The following TNFRSF8 variants were observed in gnomAD, a reference collection of about 807,000 sequenced individuals.
TNFRSF8 encodes the protein TNF receptor superfamily member 8, also known as tumor necrosis factor receptor superfamily member 8.
In TNFRSF8, 26 loss-of-function variants were observed where a neutral mutation model predicts 70.8. The ratio of observed to expected loss-of-function variants is 0.37; its 90% confidence interval spans 0.27 to 0.51. The LOEUF is 0.51. Among genes scored for constraint, TNFRSF8 ranks in the 20% least tolerant of loss-of-function variants. The pLI, the probability that TNFRSF8 is intolerant of heterozygous loss-of-function variation, is 0.94. For missense variants in TNFRSF8, 720 were observed against 807.9 expected (o/e 0.89, Z 1.32); for synonymous variants, 356 against 339.2 (o/e 1.05, Z -0.54).
Position 12,142,287 on chromosome 1 carries a change from A to C in TNFRSF8, c.1544A>C (p.Glu515Ala). ...VSTEHTNNKIEKIYIMKADTV... is the reference protein window; with the variant it reads ...VSTEHTNNKIAKIYIMKADTV... Reference sequence around the variant, plus strand: ...GCTCACCCATCCTTTTGCCTTGCAGAGAAAATCTACATCATGAAGGCTGAC... The same window carrying C: ...GCTCACCCATCCTTTTGCCTTGCAGCGAAAATCTACATCATGAAGGCTGAC... The change falls in exon 15 of 15, where the codon GAG becomes GCG. Residue 515 changes from glutamate (E) to alanine (A), a missense_variant and splice_region_variant. By Grantham distance (107) the Glu-to-Ala change is moderately radical (BLOSUM62 -1). Transcript: ENST00000263932. This position sits in a 1 kb window ranked among gnomAD's most constrained non-coding sequence, Gnocchi z 5.0. The C allele has an allele frequency of 6.3e-7, 1 of 1,588,080 alleles. No homozygotes were observed. The highest frequency in any genetic ancestry group is 1.1e-5 in the South Asian group (1 of 88,176).
chr1:12,123,375 C>T lies in TNFRSF8; in HGVS notation c.1038C>T (p.Ala346=). The T allele has an allele frequency of 6.2e-7, 1 of 1,606,084 alleles. No homozygotes were observed. Among genetic ancestry groups the T allele is most frequent in the Non-Finnish European group, 8.5e-7 (1 of 1,176,520 alleles). ...CCCCAGAGAATGGCGAGGCGCCTGC[C>T]AGGTGACTCCCCCACCCCTTCTCTC... ...NPTPENGEAP[A]STSPTQSLLV... is the part of the protein sequence containing the mutation. Residue 346 remains alanine (A), a splice_region_variant and synonymous_variant, in exon 9 of 15, where the codon GCC becomes GCT. Coordinates refer to ENST00000263932, the MANE Select transcript of TNFRSF8 (RefSeq NM_001243.5).
At chr1:12,139,686 C>T (rs550113840) in intron 14 of TNFRSF8, among the ~76,000 whole-genome samples, 2 of 152,236 alleles carry the variant, frequency 1.3e-5, no homozygotes, top group Admixed American at 1.3e-4. Flanking sequence ...TTGTCCTGTG[C>T]ATTTCTATGG....
chr1:12,085,077 A>G (rs530319365), intron 2 of TNFRSF8, among the ~76,000 whole-genome samples: 1 of 152,308 alleles, frequency 6.6e-6, no homozygotes, highest in African/African-American at 2.4e-5. Flanking sequence ...GGGGCCCAGA[A>G]GTCCTTTGCA....
At position 12,123,845 on chromosome 1, in the gene TNFRSF8, C is replaced by G. The variant is rs1184910000; in HGVS notation, c.1153+18C>G. 15 of 1,541,156 alleles carry G rather than the reference C, an allele frequency of 9.7e-6. No individual in the cohort carries two copies. Among genetic ancestry groups the G allele is most frequent in the African/African-American group, 1.4e-5 (1 of 72,924 alleles). ...GGATGCAGGTAATGGTCCCAGCCCA[C>G]TCACCCCTACTCCCAGCAGGGGCTT... On this transcript the variant is annotated intron_variant, in intron 10 of 14. Transcript: ENST00000263932.
chr1:12,092,666 C>G (rs1254625228), intron 2 of TNFRSF8, among the ~76,000 whole-genome samples: 1 of 151,870 alleles, frequency 6.6e-6, no homozygotes, highest in African/African-American at 2.4e-5. Flanking sequence ...CGCCACCACA[C>G]CCGGCTAATT....
At chr1:12,085,412 AT>A (rs1570001608) in intron 2 of TNFRSF8, among the ~76,000 whole-genome samples, 1 of 152,112 alleles carries the variant, frequency 6.6e-6, no homozygotes, top group East Asian at 1.9e-4. Flanking sequence ...GCCCGGCCTA[AT>A]TTTTTTATAT....
intron 2 of TNFRSF8, among the ~76,000 whole-genome samples, 192 bp downstream of exon 2, chr1:12,084,743 AC>A (rs1478418256): frequency 3.6e-5 from 5 of 140,494 alleles, no homozygotes; most frequent in Non-Finnish European, 8.0e-5. Flanking sequence ...TAGAATTGAG[AC>A]TGTGTTTCTT....
chr1:12,112,888 G>A lies in TNFRSF8; in HGVS notation c.793+874G>A, dbSNP rs1641658457. On this transcript the variant is annotated intron_variant, in intron 7 of 14. Coordinates refer to ENST00000263932, the MANE Select transcript of TNFRSF8 (RefSeq NM_001243.5). This position sits in a 1 kb window ranked among gnomAD's most constrained non-coding sequence, Gnocchi z 5.3. ...CCCTGGCTATTCACGGAGGCCACTGGGAATGTGTGTCTGTCTCCTTGTCCA... is the reference window on the plus strand; with the variant it reads ...CCCTGGCTATTCACGGAGGCCACTGAGAATGTGTGTCTGTCTCCTTGTCCA... 6.6e-6 allele frequency among the ~76,000 whole-genome samples: 1 copy of A among 152,214 alleles called. No individual in the cohort carries two copies. Among genetic ancestry groups the A allele is most frequent in the African/African-American group, 2.4e-5 (1 of 41,462 alleles).
At chr1:12,080,505 G>T in intron 1 of TNFRSF8, 1 of 500,354 alleles carries the variant, frequency 2.0e-6, no homozygotes, top group South Asian at 1.5e-5. Context: ...GAGTGGTCGA[G>T]CTTGTTTCTC....
At chr1:12,123,916 C>A in intron 10 of TNFRSF8, 89 bp downstream of exon 10, 2 of 1,178,118 alleles carry the variant, frequency 1.7e-6, no homozygotes, top group Admixed American at 2.1e-5. Context: ...GGAGCTTCTC[C>A]TTTGTGGGTA....
At chr1:12,089,245 A>G (rs141098285) in intron 2 of TNFRSF8, among the ~76,000 whole-genome samples, 2,463 of 152,154 alleles carry the variant, frequency 0.016, 199 homozygotes, top group Admixed American at 0.14. Context: ...TGACTTGTCT[A>G]TCGTCTTCCT....
chr1:12,096,497 G>A lies in TNFRSF8; in HGVS notation c.152-604G>A, dbSNP rs11569832. 4.6e-5 allele frequency among the ~76,000 whole-genome samples: 7 copies of A among 151,928 alleles called. No homozygotes were observed. The South Asian group carries it at 1.5e-3, about 32-fold the overall frequency. On this transcript the variant is annotated intron_variant, in intron 2 of 14. Transcript: ENST00000263932. Reference sequence around the variant, plus strand: ...TTAAGAAAGTTTATGAGTTTGCGTTGGGCCTCATTCAGAGCTGTCCTGGGC... The same window carrying A: ...TTAAGAAAGTTTATGAGTTTGCGTTAGGCCTCATTCAGAGCTGTCCTGGGC...
chr1:12,075,251 A>AAAAATT (rs1553153115), intron 1 of TNFRSF8, among the ~76,000 whole-genome samples: 1,452 of 143,800 alleles, frequency 0.01, 23 homozygotes, highest in African/African-American at 0.035. Context: ...CAAAAAAAAA[A>AAAAATT]TTTTTTTTTT....
chr1:12,069,269 C>T (rs1054027377), intron 1 of TNFRSF8, among the ~76,000 whole-genome samples: 1 of 146,776 alleles, frequency 6.8e-6, no homozygotes, highest in Admixed American at 6.9e-5. Context: ...ACCTCCATTT[C>T]CCAGGTTCAA....
chr1:12,072,326 T>C (rs1396470232), intron 1 of TNFRSF8, among the ~76,000 whole-genome samples: 1 of 152,044 alleles, frequency 6.6e-6, no homozygotes, highest in African/African-American at 2.4e-5. Context: ...TTGCCCTCGA[T>C]GGGGGGCAGT....
At chr1:12,114,134 G>T (rs1285358284) in intron 7 of TNFRSF8, among the ~76,000 whole-genome samples, 1 of 152,086 alleles carries the variant, frequency 6.6e-6, no homozygotes, top group African/African-American at 2.4e-5. Context: ...CCCGAGTGCC[G>T]GGTTCAGATC....
chr1:12,123,269 AC>A lies in TNFRSF8; in HGVS notation c.947-14del. ...TCCTTGGCGCTGGTTCTCAGATGTT[AC>A]GTCCCCTCTGCAGATATGGCTGAGA... is the stretch of plus-strand genomic sequence containing the variant. On this transcript the variant is annotated splice_polypyrimidine_tract_variant and intron_variant, in intron 8 of 14. Transcript: ENST00000263932. 6.2e-7 allele frequency: 1 copy of A among 1,605,960 alleles called. No homozygotes were observed.
At chr1:12,084,307 C>T (rs908784513) in intron 1 of TNFRSF8, among the ~76,000 whole-genome samples, 157 bp from the exon 2 acceptor site, 5 of 152,030 alleles carry the variant, frequency 3.3e-5, no homozygotes, top group African/African-American at 9.7e-5. Context: ...CAGGGGGAAG[C>T]GTAAGGGCGG....
chr1:12,128,857 C>T (rs1641994639), intron 12 of TNFRSF8, among the ~76,000 whole-genome samples: 1 of 55,118 alleles, frequency 1.8e-5, no homozygotes, highest in Non-Finnish European at 3.2e-5. Flanking sequence ...TTTTTTGAGA[C>T]AGAGTCTCGC....
Sources: allele counts gnomAD v4.1 joint callset (sites outside exome capture counted in the v4.1 genomes callset), GRCh38; gene constraint gnomAD v4.1.1; non-coding constraint Gnocchi (gnomAD v3.1); transcripts MANE v1.5; gene names NCBI Gene and HGNC (gene_info 2026-07-23, HGNC 2026-07-21).